The following HS6ST3 variants were observed in gnomAD, a reference collection of about 807,000 sequenced individuals.
The protein encoded by HS6ST3 is heparan-sulfate 6-O-sulfotransferase 3.
Under a neutral mutation model 36.7 loss-of-function variants are expected in HS6ST3, and 12 were observed. The observed-to-expected ratio is 0.33, with a 90% CI of 0.21 to 0.53. HS6ST3 has a LOEUF of 0.53. Ranked by LOEUF, HS6ST3 falls within the 20% of genes least tolerant of loss-of-function variation. The probability of loss-of-function intolerance (pLI) is 0.95; values close to 1 mark genes in which losing one functional copy is unlikely to be tolerated. For synonymous variants in HS6ST3, 240 were observed against 257.5 expected (o/e 0.93, Z 0.65); for missense variants, 584 against 640.9 (o/e 0.91, Z 0.96).
intron 1 of HS6ST3, among the ~76,000 whole-genome samples, chr13:96,230,566 G>T (rs2054503259): frequency 6.6e-6 from 1 of 152,124 alleles, no homozygotes; most frequent in African/African-American, 2.4e-5. Context: ...AGGTCAGGGA[G>T]GGTGAGTTAT....
intron 1 of HS6ST3, among the ~76,000 whole-genome samples, chr13:96,167,026 T>A (rs2054164150): frequency 1.3e-5 from 2 of 152,134 alleles, no homozygotes; most frequent in Non-Finnish European, 2.9e-5. Context: ...GCCTCACCAG[T>A]CATGCTGAAC....
intron 1 of HS6ST3, among the ~76,000 whole-genome samples, chr13:96,622,911 G>A (rs973761223): frequency 1.3e-5 from 2 of 151,986 alleles, no homozygotes; most frequent in African/African-American, 2.4e-5. Context: ...CATTCCAGGT[G>A]GTTATTTTCA....
intron 1 of HS6ST3, among the ~76,000 whole-genome samples, chr13:96,581,222 ATTT>A (rs11411556): frequency 1.4e-5 from 2 of 142,724 alleles, no homozygotes; most frequent in Non-Finnish European, 3.0e-5. Context: ...AACAACTACT[ATTT>A]TTTTTTTTTT....
chr13:96,248,564 G>T (rs1399080757), intron 1 of HS6ST3, among the ~76,000 whole-genome samples: 2 of 152,040 alleles, frequency 1.3e-5, no homozygotes, highest in Admixed American at 6.6e-5. Flanking sequence ...TCTCCAAACA[G>T]TTCATTATGT....
At chr13:96,386,179 C>T (rs576349915) in intron 1 of HS6ST3, among the ~76,000 whole-genome samples, 2 of 152,174 alleles carry the variant, frequency 1.3e-5, no homozygotes, top group South Asian at 2.1e-4. Context: ...CCCTCAGGGG[C>T]GAAGCAACAA....
At chr13:96,318,621 A>G (rs532492423) in intron 1 of HS6ST3, among the ~76,000 whole-genome samples, 3 of 152,204 alleles carry the variant, frequency 2.0e-5, no homozygotes, top group South Asian at 2.1e-4. Context: ...CTAGCCAGCT[A>G]CCCCAGCACC....
At chr13:96,814,730 C>T (rs1485985229) in intron 1 of HS6ST3, among the ~76,000 whole-genome samples, 1 of 152,086 alleles carries the variant, frequency 6.6e-6, no homozygotes, top group South Asian at 2.1e-4. Flanking sequence ...TCATATCTGA[C>T]AAGTTGCCGG....
intron 1 of HS6ST3, among the ~76,000 whole-genome samples, chr13:96,512,972 A>G (rs901098310): frequency 6.6e-6 from 1 of 151,852 alleles, no homozygotes; most frequent in Non-Finnish European, 1.5e-5. Context: ...GGACGGCATC[A>G]TAGATGTTGT....
At chr13:96,717,049 A>C (rs1485563135) in intron 1 of HS6ST3, among the ~76,000 whole-genome samples, 2 of 152,202 alleles carry the variant, frequency 1.3e-5, no homozygotes, top group Non-Finnish European at 2.9e-5. Flanking sequence ...GGGAAAATGC[A>C]CAGAAACAGG....
chr13:96,200,726 T>G (rs189764544), intron 1 of HS6ST3, among the ~76,000 whole-genome samples: 1 of 152,342 alleles, frequency 6.6e-6, no homozygotes, highest in Admixed American at 6.5e-5. Context: ...CTCAGGTACC[T>G]AGAACAATGC....
intron 1 of HS6ST3, among the ~76,000 whole-genome samples, chr13:96,340,041 T>G (rs974396495): frequency 6.6e-6 from 1 of 152,194 alleles, no homozygotes; most frequent in South Asian, 2.1e-4. Flanking sequence ...TTCCAGACTT[T>G]CCCCTTTTCT....
chr13:96,359,460 C>G (rs1481715159), intron 1 of HS6ST3, among the ~76,000 whole-genome samples: 39 of 152,146 alleles, frequency 2.6e-4, no homozygotes, highest in Admixed American at 2.5e-3. Context: ...AGAAAACCTT[C>G]TTTTCTTTCA....
chr13:96,147,916 T>A (rs1263160798), intron 1 of HS6ST3, among the ~76,000 whole-genome samples: 3 of 152,364 alleles, frequency 2.0e-5, no homozygotes, highest in East Asian at 1.9e-4. Context: ...GTGTTATTGC[T>A]TGTTTTTGAA....
chr13:96,374,919 A>G (rs2055307405), intron 1 of HS6ST3, among the ~76,000 whole-genome samples: 1 of 152,154 alleles, frequency 6.6e-6, no homozygotes, highest in Non-Finnish European at 1.5e-5. Context: ...TTACGTATCA[A>G]CTAAGTAACA....
chr13:96,268,166 T>C (rs9556538), intron 1 of HS6ST3, among the ~76,000 whole-genome samples: 75,523 of 151,638 alleles, frequency 0.5, 19,179 homozygotes, highest in Middle Eastern at 0.6. Context: ...GGGGCTCCAA[T>C]CTATGAATTT....
intron 1 of HS6ST3, among the ~76,000 whole-genome samples, chr13:96,372,022 A>G (rs1277694253): frequency 1.3e-5 from 2 of 152,294 alleles, no homozygotes; most frequent in Middle Eastern, 3.4e-3. Flanking sequence ...GCTGGATTAT[A>G]TGATATTTCT....
chr13:96,665,380 G>A (rs1465904705), intron 1 of HS6ST3, among the ~76,000 whole-genome samples: 3 of 152,114 alleles, frequency 2.0e-5, no homozygotes, highest in Non-Finnish European at 2.9e-5. Flanking sequence ...GGTACTTACA[G>A]TCTAGTAGTG....
intron 1 of HS6ST3, among the ~76,000 whole-genome samples, chr13:96,354,411 T>TG (rs2055199729): frequency 6.6e-6 from 1 of 152,088 alleles, no homozygotes; most frequent in Admixed American, 6.5e-5. Flanking sequence ...GGGTCTTGAG[T>TG]GGGAAAAAAA....
At chr13:96,522,529 G>T (rs1333401609) in intron 1 of HS6ST3, among the ~76,000 whole-genome samples, 1 of 152,148 alleles carries the variant, frequency 6.6e-6, no homozygotes, top group East Asian at 1.9e-4. Context: ...GAATCTGGGT[G>T]CTCCTGTATT....
Sources: allele counts gnomAD v4.1 joint callset (sites outside exome capture counted in the v4.1 genomes callset), GRCh38; gene constraint gnomAD v4.1.1; transcripts MANE v1.5; gene names NCBI Gene and HGNC (gene_info 2026-07-23, HGNC 2026-07-21).